The following PRKG1 variants were observed in gnomAD, a reference collection of about 807,000 sequenced individuals.
PRKG1 encodes the protein cGMP-dependent protein kinase 1.
A neutral mutation model predicts 88.1 loss-of-function variants in PRKG1; 35 were observed. The observed-to-expected ratio is 0.40, with a 90% CI of 0.30 to 0.53. The LOEUF is 0.53. PRKG1 is among the 20% of genes least tolerant of loss of function. The probability of loss-of-function intolerance (pLI) is 0.59; values close to 1 mark genes in which losing one functional copy is unlikely to be tolerated. For synonymous variants in PRKG1, 303 were observed against 292.5 expected (o/e 1.04, Z -0.37); for missense variants, 540 against 839.8 (o/e 0.64, Z 4.41).
In PRKG1 at chr10:51,731,130, T is replaced by C. The variant is rs1029315815; in HGVS notation, c.593-73455T>C. 5.9e-5 allele frequency among the ~76,000 whole-genome samples: 9 copies of C among 152,020 alleles called. No individual in the cohort carries two copies. In the East Asian group the frequency reaches 1.7e-3, roughly 29 times the overall value. On this transcript the variant is annotated intron_variant, in intron 3 of 17. Transcript: ENST00000373980. Reference sequence around the variant, plus strand: ...GACATGATGCCACTGCACTCCAGGGTGAGGCTCAGTCTCAAAGAAAAACAA... The same window carrying C: ...GACATGATGCCACTGCACTCCAGGGCGAGGCTCAGTCTCAAAGAAAAACAA...
At chr10:51,139,594 A>C (rs1410869581) in intron 1 of PRKG1, among the ~76,000 whole-genome samples, 5 of 152,204 alleles carry the variant, frequency 3.3e-5, no homozygotes, top group Non-Finnish European at 7.3e-5. Flanking sequence ...TCAGTTGCTC[A>C]AGCTGGAAAC....
intron 3 of PRKG1, among the ~76,000 whole-genome samples, chr10:51,475,733 G>T (rs758899612): frequency 3.3e-5 from 5 of 151,862 alleles, no homozygotes; most frequent in Non-Finnish European, 7.4e-5. Flanking sequence ...ATTAAAAGAA[G>T]AACAGATTGA....
chr10:52,087,310 T>C (rs974133644), intron 7 of PRKG1, among the ~76,000 whole-genome samples: 1 of 152,202 alleles, frequency 6.6e-6, no homozygotes, highest in Non-Finnish European at 1.5e-5. Context: ...AATTTAAAAA[T>C]ATATTTTGTT....
intron 2 of PRKG1, among the ~76,000 whole-genome samples, chr10:51,200,455 T>G (rs1197715190): frequency 6.6e-6 from 1 of 152,224 alleles, no homozygotes; most frequent in Non-Finnish European, 1.5e-5. Flanking sequence ...GCTAAAATGA[T>G]AGAGACATAG....
intron 3 of PRKG1, among the ~76,000 whole-genome samples, chr10:51,506,502 G>T (rs1423583919): frequency 1.3e-5 from 2 of 152,202 alleles, no homozygotes; most frequent in African/African-American, 4.8e-5. Context: ...GATATGAACA[G>T]ATACTTCTCA....
At chr10:51,745,492 A>G (rs994713175) in intron 3 of PRKG1, among the ~76,000 whole-genome samples, 1 of 152,184 alleles carries the variant, frequency 6.6e-6, no homozygotes, top group African/African-American at 2.4e-5. Flanking sequence ...AGCATATTAT[A>G]TGCATTTTTA....
intron 5 of PRKG1, among the ~76,000 whole-genome samples, chr10:51,951,652 C>T (rs754693664): frequency 1.1e-4 from 16 of 150,842 alleles, no homozygotes; most frequent in Non-Finnish European, 1.5e-4. Context: ...AGATAGTTTC[C>T]AGACATTGGG....
chr10:51,744,047 A>T (rs544182745), intron 3 of PRKG1, among the ~76,000 whole-genome samples: 2 of 151,884 alleles, frequency 1.3e-5, no homozygotes, highest in African/African-American at 4.8e-5. Context: ...TTCCTTTTAA[A>T]TTTCTTGTAC....
chr10:51,602,797 T>C (rs1838651058), intron 3 of PRKG1, among the ~76,000 whole-genome samples: 3 of 151,084 alleles, frequency 2.0e-5, no homozygotes, highest in Admixed American at 1.3e-4. Context: ...TTCATATATA[T>C]ATTAATTTTC....
chr10:51,975,335 T>C (rs2133097952), intron 5 of PRKG1, among the ~76,000 whole-genome samples: 1 of 152,192 alleles, frequency 6.6e-6, no homozygotes, highest in African/African-American at 2.4e-5. Flanking sequence ...TGGTCCATTA[T>C]GGATGACTAT....
chr10:52,042,465 A>G lies in PRKG1; in HGVS notation c.763-12019A>G, dbSNP rs796337886. 3.9e-5 allele frequency among the ~76,000 whole-genome samples: 6 copies of G among 152,288 alleles called. No homozygotes were observed. In the South Asian group the frequency reaches 1.2e-3, roughly 32 times the overall value. ...TTTCAACAAAATGCCAAGAGCACAC[A>G]TTGGGGAATGAACAGTCTCTTCAAT... On this transcript the variant is annotated intron_variant, in intron 5 of 17. Coordinates refer to ENST00000373980, the MANE Select transcript of PRKG1 (RefSeq NM_006258.4).
chr10:51,161,693 A>G (rs1217838851), intron 2 of PRKG1, among the ~76,000 whole-genome samples: 1 of 152,246 alleles, frequency 6.6e-6, no homozygotes, highest in Admixed American at 6.5e-5. Context: ...TTCCCATCTT[A>G]TTCTTACTTC....
chr10:52,071,854 A>T (rs1000399239), intron 7 of PRKG1, among the ~76,000 whole-genome samples: 1 of 152,214 alleles, frequency 6.6e-6, no homozygotes, highest in Non-Finnish European at 1.5e-5. Flanking sequence ...TAACTTGAAG[A>T]TAACATTGAA....
At chr10:51,939,609 T>G (rs1457642658) in intron 5 of PRKG1, among the ~76,000 whole-genome samples, 2 of 151,924 alleles carry the variant, frequency 1.3e-5, no homozygotes, top group Non-Finnish European at 2.9e-5. Flanking sequence ...TTTTTTTAAT[T>G]TTGAGAAACA....
At position 51,479,989 on chromosome 10, in the gene PRKG1, T is replaced by TGAG. The variant is rs1324691480; in HGVS notation, c.592+12153_592+12154insGAG. Among the ~76,000 whole-genome samples the TGAG allele has an allele frequency of 1.3e-4, 20 of 148,810 alleles. 1 individual carries two copies. In the East Asian group the frequency reaches 4.4e-3, roughly 33 times the overall value. ...AATTATGTTGATTGATTTTAATTGCTCAGCAGAGCCATCTCAAAAAAAAAA... is the reference window on the plus strand; with the variant it reads ...AATTATGTTGATTGATTTTAATTGCTGAGCAGCAGAGCCATCTCAAAAAAAAAA... On this transcript the variant is annotated intron_variant, in intron 3 of 17. Transcript: ENST00000373980.
intron 3 of PRKG1, among the ~76,000 whole-genome samples, chr10:51,603,808 G>C (rs1227115866): frequency 6.6e-6 from 1 of 152,134 alleles, no homozygotes; most frequent in Non-Finnish European, 1.5e-5. Context: ...GTGACTTTAG[G>C]AGAAGGGGTT....
At chr10:51,605,359 G>A (rs1354830235) in intron 3 of PRKG1, among the ~76,000 whole-genome samples, 1 of 152,156 alleles carries the variant, frequency 6.6e-6, no homozygotes, top group Non-Finnish European at 1.5e-5. Flanking sequence ...GCCCTCATTA[G>A]GGCTCCCTGC....
chr10:51,218,874 G>GGGGA (rs917232843), intron 2 of PRKG1, among the ~76,000 whole-genome samples: 2 of 151,842 alleles, frequency 1.3e-5, no homozygotes, highest in African/African-American at 2.4e-5. Context: ...GAGAGAAGAA[G>GGGGA]GGGAGGAAGG....
intron 9 of PRKG1, among the ~76,000 whole-genome samples, chr10:52,183,759 G>A (rs376099121): frequency 5.4e-4 from 83 of 152,316 alleles, no homozygotes; most frequent in African/African-American, 1.8e-3. Flanking sequence ...CCTGGGTGGG[G>A]GTGAGGGAGT....
Sources: gnomAD v4.1 joint callset for allele counts (sites outside exome capture counted in the v4.1 genomes callset) on GRCh38, gnomAD v4.1.1 for gene constraint, MANE v1.5 for transcripts, NCBI Gene and HGNC (gene_info 2026-07-23, HGNC 2026-07-21) for gene names.